Variants in LRIT3 observed in about 807,000 individuals in gnomAD.
LRIT3 encodes leucine rich repeat, Ig-like and transmembrane domains 3, also known as leucine-rich repeat, immunoglobulin-like domain and transmembrane domain-containing protein 3.
In LRIT3, 14 loss-of-function variants were observed where a neutral mutation model predicts 22.6. That is an observed-to-expected ratio of 0.62 (90% confidence interval 0.41 to 0.97). LRIT3 has a LOEUF of 0.97. Ranked by LOEUF, LRIT3 falls within the 50% of genes least tolerant of loss-of-function variation. LRIT3 has a pLI of 0.00. For missense variants in LRIT3, 783 were observed against 803.0 expected, an observed-to-expected ratio of 0.98 and a Z score of 0.30; for synonymous variants, 306 against 304.5, an observed-to-expected ratio of 1.01 and a Z score of -0.05.
chr4:109,855,418 A>ATTC (rs1284612581), intron 2 of LRIT3, among the ~76,000 whole-genome samples: 6 of 151,588 alleles, frequency 4.0e-5, no homozygotes, highest in Admixed American at 1.3e-4. Flanking sequence ...AGTCTATTTG[A>ATTC]TTCTTCTCTC....
chr4:109,867,821 T>G lies in LRIT3; in HGVS notation c.770T>G (p.Met257Arg). 6.2e-7 allele frequency: 1 copy of G among 1,614,214 alleles called. No homozygotes were observed. Among genetic ancestry groups the G allele is most frequent in the Non-Finnish European group, 8.5e-7 (1 of 1,180,034 alleles). The change falls in exon 3 of 4, where the codon ATG becomes AGG. Residue 257 changes from methionine to arginine, a missense_variant. By Grantham distance (91) the Met-to-Arg change is moderately conservative. Coordinates refer to ENST00000594814, the MANE Select transcript of LRIT3 (RefSeq NM_198506.5). ...ELEHCLKPSV[M>R]TSATKIMSAL... ...GAGCATTGTCTGAAACCATCAGTGA[T>G]GACCTCAGCCACCAAAATCATGTCT...
At chr4:109,856,001 A>G (rs1056767358) in intron 2 of LRIT3, among the ~76,000 whole-genome samples, 2 of 152,168 alleles carry the variant, frequency 1.3e-5, no homozygotes, top group Non-Finnish European at 2.9e-5. Flanking sequence ...GGCACCCCTC[A>G]TGCATCCATT....
Position 109,872,139 on chromosome 4 carries a change from A to C in LRIT3, c.*1350A>C, listed in dbSNP as rs1013198645. Reference sequence around the variant, plus strand: ...AAGAAACACTTGGTAATTGACCCAGACTGAATACATGTATAAGAAATGGGA... The same window carrying C: ...AAGAAACACTTGGTAATTGACCCAGCCTGAATACATGTATAAGAAATGGGA... On this transcript the variant is annotated 3_prime_UTR_variant, in exon 4 of 4. Transcript: ENST00000594814. 2.0e-5 allele frequency: 3 copies of C among 152,224 alleles called. No individual in the cohort carries two copies. Among genetic ancestry groups the C allele is most frequent in the African/African-American group, 7.2e-5 (3 of 41,450 alleles). 9.4% of individuals were successfully genotyped at this position (152,224 alleles called of 1,614,324 possible). A position where few individuals can be genotyped will look rare whatever the true frequency, so the allele number is the denominator to read the frequency against.
At chr4:109,866,214 T>A (rs1007050) in intron 2 of LRIT3, among the ~76,000 whole-genome samples, 4,601 of 152,236 alleles carry the variant, frequency 0.03, 225 homozygotes, top group African/African-American at 0.1. Flanking sequence ...AAAATTGCAG[T>A]TTCGTCTTTT....
intron 2 of LRIT3, among the ~76,000 whole-genome samples, chr4:109,859,188 G>A (rs1243972585): frequency 6.6e-6 from 1 of 152,030 alleles, no homozygotes; most frequent in Non-Finnish European, 1.5e-5. Flanking sequence ...GATCCAGGGG[G>A]GTCACCACCT....
intron 3 of LRIT3, among the ~76,000 whole-genome samples, chr4:109,869,024 A>T (rs189434738): frequency 1.9e-4 from 29 of 152,244 alleles, no homozygotes; most frequent in Admixed American, 7.8e-4. Flanking sequence ...CTGATTTTTT[A>T]AAAAACTATA....
chr4:109,851,787 C>G lies in LRIT3; in HGVS notation c.400C>G (p.Leu134Val), dbSNP rs1163358449. Residue 134 changes from leucine (L) to valine (V), a missense_variant, in exon 2 of 4, where the codon CTG becomes GTG. Transcript: ENST00000594814. ...SLLDMPLLRT[L>V]DLHNNKITSV... ...GCTGGACATGCCCCTTCTGAGGACC[C>G]TGGACTTGCACAATAACAAAATAAC... 6.4e-7 allele frequency: 1 copy of G among 1,551,782 alleles called. No individual in the cohort carries two copies. Among genetic ancestry groups the G allele is most frequent in the South Asian group, 1.2e-5 (1 of 84,056 alleles).
intron 2 of LRIT3, among the ~76,000 whole-genome samples, chr4:109,853,239 C>G (rs1322790035): frequency 6.6e-6 from 1 of 152,176 alleles, no homozygotes; most frequent in Non-Finnish European, 1.5e-5. Context: ...TCCTCTCCAG[C>G]GTCTGTTGTT....
intron 1 of LRIT3, among the ~76,000 whole-genome samples, chr4:109,849,109 T>C (rs10006613): frequency 0.028 from 4,266 of 152,258 alleles, 206 homozygotes; most frequent in African/African-American, 0.097. Flanking sequence ...GATAAAATAA[T>C]TTGTTAAAAG....
At chr4:109,867,502 A>G (rs1274927805) in intron 2 of LRIT3, 139 bp from the exon 3 acceptor site, 2 of 717,814 alleles carry the variant, frequency 2.8e-6, no homozygotes, top group South Asian at 1.9e-5. Flanking sequence ...CAAAACTGAC[A>G]TAAAGGTGAC....
At position 109,870,065 on chromosome 4, in the gene LRIT3, A is replaced by G. The variant is rs144899249; in HGVS notation, c.1316A>G (p.Lys439Arg). 95 of 1,614,200 alleles carry G rather than the reference A, an allele frequency of 5.9e-5. No individual in the cohort carries two copies. The highest frequency in any genetic ancestry group is 5.4e-5 in the Non-Finnish European group (64 of 1,180,034). The change falls in exon 4 of 4, where the codon AAG becomes AGG. Residue 439 changes from lysine to arginine, a missense_variant. Transcript: ENST00000594814. Reference protein sequence around the residue: ...SISASTTMANKRSFQLHQGGK... With the variant: ...SISASTTMANRRSFQLHQGGK... ...TCAGCAAGTACCACCATGGCCAACA[A>G]GCGATCATTCCAGCTCCACCAAGGT...
rs1734441737 is a variant in LRIT3 at position 109,857,911 on chromosome 4, TG to T, written c.589+5936del. 3.3e-5 allele frequency among the ~76,000 whole-genome samples: 5 copies of T among 152,256 alleles called. No homozygotes were observed. In the South Asian group the frequency reaches 1.0e-3, roughly 32 times the overall value. ...ATAATCAGCGATTCCTATTTTGATCTGTCTTAGAGGTTTTAATGAGAGCCCT... is the reference window on the plus strand; with the variant it reads ...ATAATCAGCGATTCCTATTTTGATCTTCTTAGAGGTTTTAATGAGAGCCCT... On this transcript the variant is annotated intron_variant, in intron 2 of 3. Transcript: ENST00000594814.
At chr4:109,858,367 A>C (rs531121801) in intron 2 of LRIT3, among the ~76,000 whole-genome samples, 2 of 152,204 alleles carry the variant, frequency 1.3e-5, no homozygotes, top group South Asian at 4.2e-4. Flanking sequence ...AGGAGTTAGC[A>C]TGGTCATTTT....
At chr4:109,868,808 G>C (rs1389926127) in intron 3 of LRIT3, among the ~76,000 whole-genome samples, 1 of 152,040 alleles carries the variant, frequency 6.6e-6, no homozygotes, top group East Asian at 1.9e-4. Flanking sequence ...AATTCAGGTT[G>C]AAATAATGAA....
At chr4:109,854,487 G>A (rs1045179954) in intron 2 of LRIT3, among the ~76,000 whole-genome samples, 2 of 151,950 alleles carry the variant, frequency 1.3e-5, no homozygotes, top group African/African-American at 2.4e-5. Flanking sequence ...AAGATGATGG[G>A]GTTTTCTAAA....
chr4:109,851,625 C>T lies in LRIT3; in HGVS notation c.238C>T (p.Leu80=), dbSNP rs1560589579. ...AATCTCTGCGGAGGCCTTCTATTAC[C>T]TGGTGGAGCTCCAGTATCTCTGGGT... ...RRISAEAFYY[L]VELQYLWVTY... is the part of the protein sequence containing the mutation. The change falls in exon 2 of 4, where the codon CTG becomes TTG. Residue 80 remains leucine, a synonymous_variant. Transcript: ENST00000594814. The T allele has an allele frequency of 1.3e-6, 2 of 1,551,730 alleles. No homozygotes were observed. The highest frequency in any genetic ancestry group is 1.7e-6 in the Non-Finnish European group (2 of 1,147,002).
chr4:109,848,267 T>C lies in LRIT3; in HGVS notation c.66T>C (p.Pro22=). The change falls in exon 1 of 4, where the codon CCT becomes CCC. Residue 22 remains proline, a synonymous_variant. Transcript: ENST00000594814. ...SFLEGVGCLC[P]SQCTCDYHGR... is the part of the protein sequence containing the mutation. ...TGGAAGGAGTGGGCTGTTTGTGTCC[T>C]TCACAGTGCACCTGTGATTATCACG... is the stretch of plus-strand genomic sequence containing the variant. 3 of 1,232,108 alleles carry C rather than the reference T, an allele frequency of 2.4e-6. No individual in the cohort carries two copies. The highest frequency in any genetic ancestry group is 3.0e-6 in the Non-Finnish European group (3 of 987,890). The allele number at this position is 1,232,108 out of a possible 1,614,324, so 76.3% of individuals were successfully genotyped here.
At chr4:109,867,523 C>A in intron 2 of LRIT3, 118 bp from the exon 3 acceptor site, 1 of 896,058 alleles carries the variant, frequency 1.1e-6, no homozygotes, top group Non-Finnish European at 1.7e-6. Context: ...TCTGCTTCAT[C>A]CCTCAAAGCA....
rs181208057 is a variant in LRIT3, at chr4:109,869,862, G to A, written c.1113G>A (p.Pro371=). The change falls in exon 4 of 4, where the codon CCG becomes CCA. Residue 371 remains proline, a synonymous_variant. Transcript: ENST00000594814. The part of the protein sequence containing the change: ...TGDHPEWDVQ[P]GSGRSTSVSS... ...ATCATCCTGAGTGGGATGTCCAGCC[G>A]GGATCTGGAAGATCTACATCTGTAT... 9.9e-6 allele frequency: 16 copies of A among 1,614,080 alleles called. No individual in the cohort carries two copies. The highest frequency in any genetic ancestry group is 5.0e-5 in the Admixed American group (3 of 60,018).
Sources: gnomAD v4.1 joint callset for allele counts (sites outside exome capture counted in the v4.1 genomes callset) on GRCh38, gnomAD v4.1.1 for gene constraint, MANE v1.5 for transcripts, NCBI Gene and HGNC (gene_info 2026-07-23, HGNC 2026-07-21) for gene names.